EFCAB7: variants seen among roughly 807,000 people sequenced by gnomAD.
EFCAB7 encodes EF-hand calcium-binding domain-containing protein 7.
In EFCAB7, 66 loss-of-function variants were observed where a neutral mutation model predicts 77.1. The observed-to-expected ratio is 0.86, with a 90% CI of 0.70 to 1.05. The LOEUF (loss-of-function observed/expected upper bound fraction) is 1.05. Ranked by LOEUF, EFCAB7 falls within the 50% of genes least tolerant of loss-of-function variation. EFCAB7 has a pLI of 0.00. For synonymous variants in EFCAB7, 225 were observed against 243.3 expected (o/e 0.92, Z 0.70); for missense variants, 638 against 730.5 (o/e 0.87, Z 1.46).
intron 7 of EFCAB7, chr1:63,547,798 C>T (rs185763534): frequency 6.6e-6 from 1 of 152,310 alleles, no homozygotes; most frequent in African/African-American, 2.4e-5. Flanking sequence ...GACAACTTGA[C>T]TCAGCCTCAT....
chr1:63,560,143 G>T (rs549681412), intron 10 of EFCAB7, among the ~76,000 whole-genome samples: 1 of 152,038 alleles, frequency 6.6e-6, no homozygotes, highest in Admixed American at 6.6e-5. Context: ...TAGTAGAGAT[G>T]GGGTTTCACC....
chr1:63,525,230 C>T (rs1272946609), intron 1 of EFCAB7, among the ~76,000 whole-genome samples: 1 of 152,132 alleles, frequency 6.6e-6, no homozygotes, highest in Non-Finnish European at 1.5e-5. Context: ...GATGTGTGCT[C>T]TTCCTTTGTT....
At chr1:63,575,128 T>C (rs1647375649), downstream of EFCAB7, among the ~76,000 whole-genome samples, 1 of 152,180 alleles carries the variant, frequency 6.6e-6, no homozygotes, top group Admixed American at 6.5e-5. Context: ...TTTTAAATTA[T>C]AGACTTACAT....
rs1037579218 is a variant in EFCAB7, at chr1:63,546,020, T to C, written c.909T>C (p.Tyr303=). 3 of 1,613,586 alleles carry C rather than the reference T, an allele frequency of 1.9e-6. No individual in the cohort carries two copies. Among genetic ancestry groups the C allele is most frequent in the Non-Finnish European group, 2.5e-6 (3 of 1,179,752 alleles). Residue 303 remains tyrosine (Y), a synonymous_variant, in exon 7 of 14, where the codon TAT becomes TAC. Coordinates refer to ENST00000371088, the MANE Select transcript of EFCAB7 (RefSeq NM_032437.4). ...AAATAGCTCAGAGGTCCATGGTTTATCTAACAATTAAGCCATTAAACCTGA... is the reference window on the plus strand; with the variant it reads ...AAATAGCTCAGAGGTCCATGGTTTACCTAACAATTAAGCCATTAAACCTGA... The part of the protein sequence containing the change: ...RMQIAQRSMV[Y]LTIKPLNLSQ...
At chr1:63,557,326 A>T in intron 10 of EFCAB7, 79 bp downstream of exon 10, 1 of 1,292,184 alleles carries the variant, frequency 7.7e-7, no homozygotes, top group Non-Finnish European at 1.1e-6. Context: ...ATGAGAAGTC[A>T]AACTTCTGCA....
intron 12 of EFCAB7, chr1:63,570,738 G>A (rs141932452): frequency 4.8e-4 from 100 of 210,376 alleles, no homozygotes; most frequent in African/African-American, 2.0e-3. Flanking sequence ...ATAAGTCAAG[G>A]ATGAAATAAT....
chr1:63,545,035 C>T (rs1174174739), intron 6 of EFCAB7, among the ~76,000 whole-genome samples: 1 of 150,984 alleles, frequency 6.6e-6, no homozygotes, highest in African/African-American at 2.4e-5. Context: ...TCTCCTGCCT[C>T]AGCCTCCCGA....
intron 7 of EFCAB7, chr1:63,547,160 A>AC (rs774456605): frequency 1.3e-5 from 2 of 152,300 alleles, no homozygotes; most frequent in Non-Finnish European, 2.9e-5. Flanking sequence ...AACAATAGTT[A>AC]TTTTTCAGAG....
At chr1:63,543,683 T>C (rs776868969) in intron 6 of EFCAB7, among the ~76,000 whole-genome samples, 6 of 152,226 alleles carry the variant, frequency 3.9e-5, no homozygotes, top group Non-Finnish European at 8.8e-5. Context: ...TTTGCAGTGA[T>C]ATAATAAATC....
intron 11 of EFCAB7, among the ~76,000 whole-genome samples, chr1:63,562,103 GA>G (rs1236728880): frequency 6.6e-6 from 1 of 151,818 alleles, no homozygotes; most frequent in Admixed American, 6.6e-5. Flanking sequence ...TAATATGCAG[GA>G]AAAAAATTTG....
chr1:63,554,465 AAGT>A (rs1484500354), intron 8 of EFCAB7, among the ~76,000 whole-genome samples: 4 of 152,006 alleles, frequency 2.6e-5, no homozygotes, highest in African/African-American at 9.7e-5. Flanking sequence ...TCAGCCTCCC[AAGT>A]AGCTGGGATT....
At chr1:63,546,927 T>G (rs977879942) in intron 7 of EFCAB7, among the ~76,000 whole-genome samples, 24 of 152,240 alleles carry the variant, frequency 1.6e-4, no homozygotes, top group African/African-American at 5.5e-4. Context: ...ATGAAAGATA[T>G]CTATCTATAA....
intron 9 of EFCAB7, among the ~76,000 whole-genome samples, chr1:63,556,581 T>C (rs888596656): frequency 6.6e-6 from 1 of 152,040 alleles, no homozygotes; most frequent in African/African-American, 2.4e-5. Context: ...GAGTTCTTAC[T>C]GTGTGTTGAG....
the EFCAB7 span, among the ~76,000 whole-genome samples, chr1:63,583,267 T>C: frequency 6.6e-6 from 1 of 152,232 alleles, no homozygotes; most frequent in South Asian, 2.1e-4. Flanking sequence ...CCCTTATCTA[T>C]AAAGGTGCTA....
At chr1:63,535,716 T>C (rs1646754536) in intron 6 of EFCAB7, among the ~76,000 whole-genome samples, 1 of 145,740 alleles carries the variant, frequency 6.9e-6, no homozygotes, top group East Asian at 2.1e-4. Context: ...CCAAGGACAT[T>C]AATAAAGAAT....
the EFCAB7 span, among the ~76,000 whole-genome samples, chr1:63,580,417 C>G: frequency 6.6e-6 from 1 of 152,056 alleles, no homozygotes; most frequent in African/African-American, 2.4e-5. Context: ...GAACTCTATT[C>G]TGTTCCATTG....
chr1:63,579,856 G>A, the EFCAB7 span, among the ~76,000 whole-genome samples: 1 of 151,974 alleles, frequency 6.6e-6, no homozygotes, highest in Non-Finnish European at 1.5e-5. Flanking sequence ...ACTTTTTGAT[G>A]GTGTGCTTCT....
intron 8 of EFCAB7, 81 bp from the exon 9 acceptor site, chr1:63,555,277 A>G: frequency 7.0e-7 from 1 of 1,435,586 alleles, no homozygotes; most frequent in South Asian, 1.5e-5. Flanking sequence ...TGTCCCTTTC[A>G]GAAGAAATAT....
downstream of EFCAB7, among the ~76,000 whole-genome samples, chr1:63,577,692 C>T (rs1044587878): frequency 6.6e-6 from 1 of 152,186 alleles, no homozygotes; most frequent in African/African-American, 2.4e-5. Context: ...TAGTAGGTGT[C>T]ATCTCTGTCC....
Sources: allele counts gnomAD v4.1 joint callset (sites outside exome capture counted in the v4.1 genomes callset), GRCh38; gene constraint gnomAD v4.1.1; transcripts MANE v1.5; gene names NCBI Gene and HGNC (gene_info 2026-07-23, HGNC 2026-07-21).